The following SV2B variants were observed in gnomAD, a reference collection of about 807,000 sequenced individuals.
SV2B encodes synaptic vesicle glycoprotein 2B.
In SV2B, 41 loss-of-function variants were observed where a neutral mutation model predicts 73.9. That is an observed-to-expected ratio of 0.56 (90% CI 0.43 to 0.72). The LOEUF is 0.72. SV2B is among the 30% of genes least tolerant of loss of function. The pLI is 0.00. For synonymous variants in SV2B, 314 were observed against 314.2 expected, an observed-to-expected ratio of 1.00 and a Z score of 0.01; for missense variants, 764 against 857.8, an observed-to-expected ratio of 0.89 and a Z score of 1.37.
chr15:91,229,337 G>A lies in SV2B; in HGVS notation c.451+2623G>A, dbSNP rs1015048310. On this transcript the variant is annotated intron_variant, in intron 2 of 12. Transcript: ENST00000394232. The surrounding 1 kb of genome is among the most constrained non-coding windows in gnomAD (Gnocchi z 4.3). ...TGTTTCCATCTGTAGAATAAGAGCA[G>A]TAATGCAGTGCTGTGAGGACTAAAT... is the stretch of plus-strand genomic sequence containing the variant. Among the ~76,000 whole-genome samples, 1 of 152,210 alleles carries A rather than the reference G, an allele frequency of 6.6e-6. No homozygotes were observed. The highest frequency in any genetic ancestry group is 2.1e-4 in the South Asian group (1 of 4,820).
intron 2 of SV2B, among the ~76,000 whole-genome samples, chr15:91,246,713 ACCTCCTCCTCCTCCT>A (rs3837743): frequency 6.3e-5 from 9 of 141,840 alleles, no homozygotes; most frequent in South Asian, 4.6e-4. Context: ...CCTCCTTTCA[ACCTCCTCCTCCTCCT>A]CCTCCTCCTC....
Position 91,283,372 on chromosome 15 carries a change from C to T in SV2B, c.1508-649C>T, listed in dbSNP as rs187049838. ...AGCCTCCAAGGAGAGGCCTAGCTGC[C>T]GTGGCCCTCAGTGTCTCAGTGTCAC... On this transcript the variant is annotated intron_variant, in intron 10 of 12. Transcript: ENST00000394232. This position sits in a 1 kb window ranked among gnomAD's most constrained non-coding sequence, Gnocchi z 4.3. Among the ~76,000 whole-genome samples the T allele has an allele frequency of 3.9e-5, 6 of 152,294 alleles. No individual in the cohort carries two copies. The highest frequency in any genetic ancestry group is 3.4e-3 in the Middle Eastern group (1 of 294).
chr15:91,278,260 T>G (rs945361851), intron 9 of SV2B, among the ~76,000 whole-genome samples: 2 of 152,178 alleles, frequency 1.3e-5, no homozygotes, highest in African/African-American at 4.8e-5. Context: ...TTATAGATTT[T>G]TTTAAATGCG....
At chr15:91,249,905 C>T (rs2047415089) in intron 2 of SV2B, among the ~76,000 whole-genome samples, 1 of 152,228 alleles carries the variant, frequency 6.6e-6, no homozygotes, top group African/African-American at 2.4e-5. Context: ...CTAGGACCTG[C>T]TGGCTTCACT....
At position 91,292,391 on chromosome 15, in the gene SV2B, A is replaced by G; in HGVS notation, c.1891A>G (p.Asn631Asp). 3.1e-6 allele frequency: 5 copies of G among 1,614,074 alleles called. No homozygotes were observed. Among genetic ancestry groups the G allele is most frequent in the Non-Finnish European group, 3.4e-6 (4 of 1,179,968 alleles). ...NQRATAFGIL[N>D]GLCKFGAILG... ...CAGAGCAACAGCCTTCGGCATTCTC[A>G]ATGGATTATGCAAATTTGGCGCCAT... The change falls in exon 13 of 13, where the codon AAT becomes GAT. Residue 631 changes from asparagine (N) to aspartate (D), a missense_variant. Coordinates refer to ENST00000394232, the MANE Select transcript of SV2B (RefSeq NM_001323032.3).
rs1320380931 is a variant in SV2B, at chr15:91,122,238, C to T, written c.-392+21875C>T. ...TATGTTCCATTAAAGCCAGGGGTGT[C>T]GTAGATGCAGGTACAATGAGTACAG... On this transcript the variant is annotated intron_variant, in intron 1 of 12. Transcript: ENST00000394232. This position sits in a 1 kb window ranked among gnomAD's most constrained non-coding sequence, Gnocchi z 4.3. Among the ~76,000 whole-genome samples, 4 of 152,096 alleles carry T rather than the reference C, an allele frequency of 2.6e-5. No individual in the cohort carries two copies. Among genetic ancestry groups the T allele is most frequent in the South Asian group, 2.1e-4 (1 of 4,824 alleles).
At chr15:91,211,723 C>T (rs1480585133) in intron 1 of SV2B, among the ~76,000 whole-genome samples, 4 of 150,786 alleles carry the variant, frequency 2.7e-5, no homozygotes, top group East Asian at 3.9e-4. Context: ...AGGCTGGTCT[C>T]AAACTCCTGA....
chr15:91,159,371 C>T (rs566773650), intron 1 of SV2B, among the ~76,000 whole-genome samples: 35 of 152,276 alleles, frequency 2.3e-4, no homozygotes, highest in African/African-American at 7.0e-4. Flanking sequence ...CTCTGCTCTA[C>T]CCAAAAGGGG....
chr15:91,278,657 C>T lies in SV2B; in HGVS notation c.1374-3071C>T, dbSNP rs925099117. 1.1e-4 allele frequency among the ~76,000 whole-genome samples: 9 copies of T among 78,486 alleles called. 1 individual carries two copies. The highest frequency in any genetic ancestry group is 5.8e-4 in the African/African-American group (7 of 12,084). The allele number at this position is 78,486 out of a possible 152,430, so 51.5% of individuals were successfully genotyped here. A position where few individuals can be genotyped will look rare whatever the true frequency, so the allele number is the denominator to read the frequency against. ...TTGCGCCACTGCAGTCCGGCCTGGG[C>T]GACAGAGCGAGACTCCGTCTCAAAA... On this transcript the variant is annotated intron_variant, in intron 9 of 12. Coordinates refer to ENST00000394232, the MANE Select transcript of SV2B (RefSeq NM_001323032.3).
intron 1 of SV2B, among the ~76,000 whole-genome samples, chr15:91,153,505 G>A (rs377531793): frequency 9.9e-5 from 15 of 152,276 alleles, no homozygotes; most frequent in African/African-American, 3.6e-4. Flanking sequence ...GGGGATAGTA[G>A]TTGTTATTAC....
In SV2B at chr15:91,245,140, T is replaced by C. The variant is rs1047008208; in HGVS notation, c.452-6679T>C. Among the ~76,000 whole-genome samples, 1 of 152,198 alleles carries C rather than the reference T, an allele frequency of 6.6e-6. No homozygotes were observed. The highest frequency in any genetic ancestry group is 1.5e-5 in the Non-Finnish European group (1 of 68,028). On this transcript the variant is annotated intron_variant, in intron 2 of 12. Coordinates refer to ENST00000394232, the MANE Select transcript of SV2B (RefSeq NM_001323032.3). This position sits in a 1 kb window ranked among gnomAD's most constrained non-coding sequence, Gnocchi z 4.2. ...TCTGGTGTGGAGAGGAAATCTTCTG[T>C]CTGTGTGAAAAGCATCTCTAAAGCT... is the stretch of plus-strand genomic sequence containing the variant.
chr15:91,273,913 T>A (rs1374564054), intron 9 of SV2B, among the ~76,000 whole-genome samples: 1 of 152,216 alleles, frequency 6.6e-6, no homozygotes, highest in African/African-American at 2.4e-5. Flanking sequence ...TGTACAGCAG[T>A]CTTTTGAATG....
intron 6 of SV2B, among the ~76,000 whole-genome samples, chr15:91,264,955 T>C (rs910967564): frequency 6.6e-6 from 1 of 152,168 alleles, no homozygotes; most frequent in African/African-American, 2.4e-5. Context: ...CTCAGTATTC[T>C]ATACTGACTT....
intron 9 of SV2B, among the ~76,000 whole-genome samples, chr15:91,276,861 G>T (rs2141733357): frequency 1.3e-5 from 2 of 148,326 alleles, no homozygotes; most frequent in South Asian, 4.2e-4. Context: ...TGCTCTTGTT[G>T]CCCAGACTGG....
chr15:91,278,453 G>A (rs558425577), intron 9 of SV2B, among the ~76,000 whole-genome samples: 3 of 151,970 alleles, frequency 2.0e-5, no homozygotes, highest in Admixed American at 6.5e-5. Context: ...CGAGGCGGGT[G>A]GATCATGAGG....
intron 2 of SV2B, among the ~76,000 whole-genome samples, chr15:91,246,973 T>A (rs1234036761): frequency 6.6e-6 from 1 of 152,254 alleles, no homozygotes; most frequent in Admixed American, 6.5e-5. Context: ...ATGTATTTTT[T>A]AAATTTCTTT....
chr15:91,117,578 C>G (rs2042216419), intron 1 of SV2B, among the ~76,000 whole-genome samples: 1 of 152,230 alleles, frequency 6.6e-6, no homozygotes, highest in African/African-American at 2.4e-5. Context: ...CCAGCAGCTA[C>G]CAGGGACATA....
rs772440306 is a variant in SV2B, at chr15:91,300,211, T to C, written c.*7659T>C. The C allele has an allele frequency of 6.6e-6, 1 of 152,190 alleles. No homozygotes were observed. Among genetic ancestry groups the C allele is most frequent in the Non-Finnish European group, 1.5e-5 (1 of 68,042 alleles). The allele number at this position is 152,190 out of a possible 1,614,324, so 9.4% of individuals were successfully genotyped here. A position where few individuals can be genotyped will look rare whatever the true frequency, so the allele number is the denominator to read the frequency against. Reference sequence around the variant, plus strand: ...GCCAAACATTAAAATAACTTATCCATGAATTTCAGGTTTCAAGGAAGGAGG... The same window carrying C: ...GCCAAACATTAAAATAACTTATCCACGAATTTCAGGTTTCAAGGAAGGAGG... On this transcript the variant is annotated 3_prime_UTR_variant, in exon 13 of 13. Transcript: ENST00000394232.
chr15:91,120,667 A>G (rs1203645171), intron 1 of SV2B, among the ~76,000 whole-genome samples: 2 of 152,184 alleles, frequency 1.3e-5, no homozygotes, highest in East Asian at 3.9e-4. Context: ...TACAAAAATT[A>G]GCCAGGTGTG....
Sources: allele counts gnomAD v4.1 joint callset (sites outside exome capture counted in the v4.1 genomes callset), GRCh38; gene constraint gnomAD v4.1.1; non-coding constraint Gnocchi (gnomAD v3.1); transcripts MANE v1.5; gene names NCBI Gene and HGNC (gene_info 2026-07-23, HGNC 2026-07-21).